ELK3: variants seen among roughly 807,000 people sequenced by gnomAD.
ELK3 encodes the protein ETS transcription factor ELK3.
Under a neutral mutation model 28.9 loss-of-function variants are expected in ELK3, and 10 were observed. The ratio of observed to expected loss-of-function variants is 0.35; its 90% CI spans 0.21 to 0.59. ELK3 has a LOEUF of 0.59. Among genes scored for constraint, ELK3 ranks in the 20% least tolerant of loss-of-function variants. ELK3 has a pLI of 0.82. For missense variants in ELK3, 463 were observed against 517.3 expected, an observed-to-expected ratio of 0.90 and a Z score of 1.02; for synonymous variants, 272 against 243.5, an observed-to-expected ratio of 1.12 and a Z score of -1.09.
intron 2 of ELK3, among the ~76,000 whole-genome samples, chr12:96,237,146 G>T (rs571693736): frequency 3.9e-4 from 60 of 152,202 alleles, no homozygotes; most frequent in Non-Finnish European, 6.0e-4. Flanking sequence ...TTCCAAATCA[G>T]ATCACATTCT....
At chr12:96,256,463 G>A (rs1181406751) in intron 3 of ELK3, among the ~76,000 whole-genome samples, 1 of 152,162 alleles carries the variant, frequency 6.6e-6, no homozygotes, top group East Asian at 1.9e-4. Context: ...AAACACTGAT[G>A]TGGAAAGGTG....
chr12:96,197,407 C>G (rs1951478613), intron 1 of ELK3, among the ~76,000 whole-genome samples: 1 of 152,050 alleles, frequency 6.6e-6, no homozygotes, highest in African/African-American at 2.4e-5. Flanking sequence ...TGAGAAAAAT[C>G]TTATTTACTT....
At chr12:96,242,540 G>C (rs1355979220) in intron 2 of ELK3, among the ~76,000 whole-genome samples, 1 of 152,224 alleles carries the variant, frequency 6.6e-6, no homozygotes, top group African/African-American at 2.4e-5. Flanking sequence ...GCCACAGAGA[G>C]ATCTTCAAAC....
At chr12:96,220,640 C>T (rs1951655780) in intron 1 of ELK3, among the ~76,000 whole-genome samples, 1 of 152,124 alleles carries the variant, frequency 6.6e-6, no homozygotes, top group South Asian at 2.1e-4. Context: ...AATCCACCTG[C>T]CTCAGCCTCC....
intron 2 of ELK3, among the ~76,000 whole-genome samples, chr12:96,234,369 C>G (rs1951764993): frequency 6.6e-6 from 1 of 152,194 alleles, no homozygotes; most frequent in African/African-American, 2.4e-5. Flanking sequence ...TTGCCCAAGC[C>G]CACACCGAGT....
intron 1 of ELK3, among the ~76,000 whole-genome samples, chr12:96,219,682 T>C (rs1176769023): frequency 6.6e-6 from 1 of 152,042 alleles, no homozygotes; most frequent in East Asian, 1.9e-4. Flanking sequence ...GGATGGTGGG[T>C]CCCAGAGCTG....
chr12:96,216,881 CAG>C (rs1951622760), intron 1 of ELK3, among the ~76,000 whole-genome samples: 1 of 152,204 alleles, frequency 6.6e-6, no homozygotes, highest in African/African-American at 2.4e-5. Context: ...CTGTTGAACC[CAG>C]AGAGTCAGGT....
Position 96,223,576 on chromosome 12 carries a change from G to A in ELK3, c.10G>A (p.Ala4Thr), listed in dbSNP as rs771096270. 1 of 1,614,068 alleles carries A rather than the reference G, an allele frequency of 6.2e-7. No individual in the cohort carries two copies. Among genetic ancestry groups the A allele is most frequent in the Non-Finnish European group, 8.5e-7 (1 of 1,179,998 alleles). The change falls in exon 2 of 5, where the codon GCA (alanine) becomes ACA (threonine). Residue 4 changes from alanine to threonine, a missense_variant. Ala to Thr is a moderately conservative substitution (Grantham distance 58). Around this residue, in one of 2 missense-constraint regions of ELK3, gnomAD observed 55 missense variants for 102.5 expected, o/e 0.54. Transcript: ENST00000228741. ...TCCTCTCCCTGCAGGTATGGAGAGTGCAATCACGCTGTGGCAGTTCCTGTT... is the reference window on the plus strand; with the variant it reads ...TCCTCTCCCTGCAGGTATGGAGAGTACAATCACGCTGTGGCAGTTCCTGTT... MES[A>T]ITLWQFLLQL...
At chr12:96,224,689 A>C (rs946280104) in intron 2 of ELK3, among the ~76,000 whole-genome samples, 3 of 152,240 alleles carry the variant, frequency 2.0e-5, no homozygotes, top group Admixed American at 2.0e-4. Context: ...GCTGTTTAGG[A>C]GAACCATTTC....
intron 2 of ELK3, among the ~76,000 whole-genome samples, chr12:96,241,808 GTCC>G (rs1160004071): frequency 3.3e-5 from 5 of 152,138 alleles, no homozygotes; most frequent in African/African-American, 4.8e-5. Flanking sequence ...TTGGTATCTG[GTCC>G]TCCTCTTTTG....
chr12:96,230,431 C>G (rs1951732511), intron 2 of ELK3, among the ~76,000 whole-genome samples: 1 of 152,070 alleles, frequency 6.6e-6, no homozygotes, highest in African/African-American at 2.4e-5. Context: ...GTTGGTTTCC[C>G]TCTATAAGTG....
intron 1 of ELK3, among the ~76,000 whole-genome samples, chr12:96,211,523 G>GTGTA (rs1951579215): frequency 6.6e-6 from 1 of 151,210 alleles, no homozygotes; most frequent in African/African-American, 2.4e-5. Flanking sequence ...GTGTGTGTGT[G>GTGTA]TGTATCAGTT....
chr12:96,207,235 G>T (rs1273924395), intron 1 of ELK3, among the ~76,000 whole-genome samples: 1 of 152,128 alleles, frequency 6.6e-6, no homozygotes, highest in Non-Finnish European at 1.5e-5. Context: ...TTTATTAGAG[G>T]TGCTGTATAC....
In ELK3 at chr12:96,244,940, C is replaced by T. The variant is rs143139642; in HGVS notation, c.208-2000C>T. ...AAGGTTTTTAAGGGCTGTTCAGCTT[C>T]GAGTAGCAGCGTGAGTGTGAGGTCG... On this transcript the variant is annotated intron_variant, in intron 2 of 4. Transcript: ENST00000228741. Among the ~76,000 whole-genome samples, 241 of 152,228 alleles carry T rather than the reference C, an allele frequency of 1.6e-3. 1 individual carries two copies. The Middle Eastern group carries it at 0.021, about 13-fold the overall frequency.
chr12:96,197,176 T>C (rs1040493103), intron 1 of ELK3, among the ~76,000 whole-genome samples: 14 of 152,210 alleles, frequency 9.2e-5, no homozygotes, highest in African/African-American at 3.4e-4. Context: ...AATTCCTCCT[T>C]CTAAGTAATT....
chr12:96,210,063 T>C (rs1951565817), intron 1 of ELK3, among the ~76,000 whole-genome samples: 1 of 152,108 alleles, frequency 6.6e-6, no homozygotes, highest in Non-Finnish European at 1.5e-5. Flanking sequence ...ATATTAATAG[T>C]ACAAAAATTT....
chr12:96,200,219 T>G (rs1199325558), intron 1 of ELK3, among the ~76,000 whole-genome samples: 1 of 152,152 alleles, frequency 6.6e-6, no homozygotes, highest in Non-Finnish European at 1.5e-5. Context: ...TTCCTTCTAG[T>G]TAATTGAAAC....
At chr12:96,218,984 A>T (rs4762284) in intron 1 of ELK3, among the ~76,000 whole-genome samples, 55,036 of 151,832 alleles carry the variant, frequency 0.36, 10,641 homozygotes, top group East Asian at 0.59. Context: ...AGGGAATTTT[A>T]AAAAAAAGAT....
At chr12:96,229,794 T>G (rs1375087971) in intron 2 of ELK3, among the ~76,000 whole-genome samples, 1 of 152,134 alleles carries the variant, frequency 6.6e-6, no homozygotes, top group Non-Finnish European at 1.5e-5. Context: ...CCTCCCAAAG[T>G]GCTGGGATTA....
Sources: gnomAD v4.1 joint callset for allele counts (sites outside exome capture counted in the v4.1 genomes callset) on GRCh38, gnomAD v4.1.1 for gene constraint, gnomAD v4.1.1 regional missense constraint, MANE v1.5 for transcripts, NCBI Gene and HGNC (gene_info 2026-07-23, HGNC 2026-07-21) for gene names.